Variants in TEKT5 observed in about 807,000 individuals in gnomAD.
TEKT5 encodes tektin 5, also known as tektin-5.
TEKT5 carries 52 observed loss-of-function variants against 48.7 expected under a neutral mutation model. The ratio of observed to expected loss-of-function variants is 1.07; its 90% CI spans 0.86 to 1.35. The LOEUF (loss-of-function observed/expected upper bound fraction) is 1.35, where lower values mean the gene tolerates loss of function less well. TEKT5 is among the 40% of genes most tolerant of loss of function. TEKT5 has a pLI of 0.00. For missense variants in TEKT5, 831 were observed against 641.6 expected (o/e 1.30, Z -3.19); for synonymous variants, 318 against 267.6 (o/e 1.19, Z -1.84).
At chr16:10,693,147 G>A (rs1225357012) in intron 1 of TEKT5, among the ~76,000 whole-genome samples, 1 of 152,226 alleles carries the variant, frequency 6.6e-6, no homozygotes, top group Non-Finnish European at 1.5e-5. Context: ...ACAGGCTGGA[G>A]TGCAGTGGCG....
At chr16:10,647,165 C>A (rs564054966) in intron 5 of TEKT5, among the ~76,000 whole-genome samples, 1 of 151,950 alleles carries the variant, frequency 6.6e-6, no homozygotes, top group Non-Finnish European at 1.5e-5. Flanking sequence ...GAGGGTTCAG[C>A]GGGTGATAAG....
intron 5 of TEKT5, among the ~76,000 whole-genome samples, chr16:10,664,271 G>T (rs1161905868): frequency 6.6e-6 from 1 of 152,146 alleles, no homozygotes; most frequent in African/African-American, 2.4e-5. Flanking sequence ...CTGCTGCAGG[G>T]AGGGAAGGAA....
At chr16:10,656,848 C>T (rs1173312664) in intron 5 of TEKT5, among the ~76,000 whole-genome samples, 1 of 152,028 alleles carries the variant, frequency 6.6e-6, no homozygotes, top group Non-Finnish European at 1.5e-5. Context: ...TCAAGTGACC[C>T]TCCCACCTCC....
chr16:10,681,324 G>A (rs1035770095), intron 4 of TEKT5, among the ~76,000 whole-genome samples: 4 of 152,068 alleles, frequency 2.6e-5, no homozygotes, highest in African/African-American at 9.7e-5. Context: ...CTCAGTGTTA[G>A]CGTAGAGGCT....
chr16:10,688,129 G>A lies in TEKT5; in HGVS notation c.719+1124C>T, dbSNP rs1898896125. 2.0e-5 allele frequency among the ~76,000 whole-genome samples: 3 copies of A among 152,180 alleles called. No individual in the cohort carries two copies. In the South Asian group the frequency reaches 6.2e-4, roughly 32 times the overall value. Reference sequence around the variant, plus strand: ...TAGTCCCGGTGATAGGTGGAATTGTGAGAAATTAGAACAGGGGCACACAAA... The same window carrying A: ...TAGTCCCGGTGATAGGTGGAATTGTAAGAAATTAGAACAGGGGCACACAAA... On this transcript the variant is annotated intron_variant, in intron 3 of 6. Coordinates refer to ENST00000283025, the MANE Select transcript of TEKT5 (RefSeq NM_144674.2).
intron 1 of TEKT5, among the ~76,000 whole-genome samples, chr16:10,691,947 C>CAAAAA (rs36117622): frequency 7.7e-5 from 8 of 103,672 alleles, no homozygotes; most frequent in Non-Finnish European, 1.4e-4. Context: ...GAGTCCATCT[C>CAAAAA]AAAAAAAAAA....
chr16:10,651,459 T>C (rs765131800), intron 5 of TEKT5, among the ~76,000 whole-genome samples: 1 of 152,236 alleles, frequency 6.6e-6, no homozygotes, highest in Non-Finnish European at 1.5e-5. Context: ...TGCTCCCTTC[T>C]GAATTCCCAG....
At chr16:10,641,146 C>A (rs1221505709) in intron 5 of TEKT5, among the ~76,000 whole-genome samples, 2 of 152,136 alleles carry the variant, frequency 1.3e-5, no homozygotes, top group Non-Finnish European at 2.9e-5. Context: ...TGTGGTCAGT[C>A]TTTTTAATTT....
chr16:10,639,654 G>C (rs1026240248), intron 5 of TEKT5, among the ~76,000 whole-genome samples: 4 of 152,188 alleles, frequency 2.6e-5, no homozygotes, highest in African/African-American at 9.7e-5. Flanking sequence ...TTTCAAATAA[G>C]ACACCAATAC....
chr16:10,681,542 G>A (rs28414983), intron 4 of TEKT5, among the ~76,000 whole-genome samples: 62,620 of 151,382 alleles, frequency 0.41, 13,839 homozygotes, highest in Middle Eastern at 0.57. Context: ...AAACCACCCC[G>A]CCACCAGCCG....
At chr16:10,633,798 G>T (rs1022293140) in intron 6 of TEKT5, among the ~76,000 whole-genome samples, 1 of 151,966 alleles carries the variant, frequency 6.6e-6, no homozygotes, top group Admixed American at 6.6e-5. Context: ...CTCCTGCCTC[G>T]GCCTTCCAAA....
chr16:10,663,997 G>T (rs1170914086), intron 5 of TEKT5, among the ~76,000 whole-genome samples: 6 of 152,230 alleles, frequency 3.9e-5, no homozygotes, highest in African/African-American at 1.4e-4. Context: ...CCTGAATGGG[G>T]TTAGAAACGG....
chr16:10,694,158 T>C, intron 1 of TEKT5, 152 bp downstream of exon 1: 1 of 697,462 alleles, frequency 1.4e-6, no homozygotes, highest in Non-Finnish European at 2.3e-6. Flanking sequence ...TATCCTGAAT[T>C]GACTAAGATT....
chr16:10,673,636 C>T (rs945318471), intron 5 of TEKT5, among the ~76,000 whole-genome samples: 7 of 144,482 alleles, frequency 4.8e-5, no homozygotes, highest in African/African-American at 7.8e-5. Context: ...CTAACCACTG[C>T]ACCCATTCTA....
chr16:10,650,139 T>C (rs1898131479), intron 5 of TEKT5, among the ~76,000 whole-genome samples: 1 of 152,128 alleles, frequency 6.6e-6, no homozygotes, highest in South Asian at 2.1e-4. Context: ...TGGCGCAATC[T>C]CGGCTCACTG....
intron 3 of TEKT5, among the ~76,000 whole-genome samples, chr16:10,684,244 G>C (rs890167296): frequency 7.9e-5 from 12 of 152,138 alleles, no homozygotes; most frequent in Admixed American, 2.0e-4. Flanking sequence ...GCTAAACCGA[G>C]TGTATCTGTT....
chr16:10,679,217 G>C (rs1596416426), intron 4 of TEKT5, among the ~76,000 whole-genome samples: 1 of 152,228 alleles, frequency 6.6e-6, no homozygotes, highest in African/African-American at 2.4e-5. Flanking sequence ...GAAGCTGTCA[G>C]CACAATGTCT....
At chr16:10,636,242 G>T (rs893819869) in intron 5 of TEKT5, among the ~76,000 whole-genome samples, 2 of 152,132 alleles carry the variant, frequency 1.3e-5, no homozygotes, top group Non-Finnish European at 2.9e-5. Flanking sequence ...GGGCGTGGTG[G>T]CAGGCGCCTG....
intron 5 of TEKT5, among the ~76,000 whole-genome samples, chr16:10,662,327 T>C (rs1159677417): frequency 6.6e-6 from 1 of 152,230 alleles, no homozygotes; most frequent in Admixed American, 6.5e-5. Flanking sequence ...ACTGTTGTCA[T>C]AAGGCTGGGT....
Sources: allele counts gnomAD v4.1 joint callset (sites outside exome capture counted in the v4.1 genomes callset), GRCh38; gene constraint gnomAD v4.1.1; transcripts MANE v1.5; gene names NCBI Gene and HGNC (gene_info 2026-07-23, HGNC 2026-07-21).